The following ALK variants were observed in gnomAD, a reference collection of about 807,000 sequenced individuals.
ALK encodes the protein ALK receptor tyrosine kinase, also known as ALK tyrosine kinase receptor.
Under a neutral mutation model 163.1 loss-of-function variants are expected in ALK, and 74 were observed. The ratio of observed to expected loss-of-function variants is 0.45; its 90% confidence interval spans 0.38 to 0.55. The LOEUF is 0.55. ALK is among the 20% of genes least tolerant of loss of function. ALK has a pLI of 0.00. For missense variants in ALK, 2,063 were observed against 2,105.3 expected, an observed-to-expected ratio of 0.98 and a Z score of 0.39; for synonymous variants, 960 against 843.2, an observed-to-expected ratio of 1.14 and a Z score of -2.40.
chr2:29,611,473 G>A (rs1419091459), intron 3 of ALK, among the ~76,000 whole-genome samples: 1 of 152,152 alleles, frequency 6.6e-6, no homozygotes, highest in Non-Finnish European at 1.5e-5. Context: ...TAAATCCCTG[G>A]CTTTCCGTGT....
chr2:29,300,511 T>A (rs1178220115), intron 8 of ALK, among the ~76,000 whole-genome samples: 1 of 143,482 alleles, frequency 7.0e-6, no homozygotes. Context: ...GCCGAGATTG[T>A]GCCATTGCAC....
At chr2:29,557,427 G>T (rs1558383105) in intron 3 of ALK, among the ~76,000 whole-genome samples, 2 of 152,160 alleles carry the variant, frequency 1.3e-5, no homozygotes, top group African/African-American at 4.8e-5. Context: ...AGGGCTCAGG[G>T]CTCAGAGCTC....
At chr2:29,511,665 G>C (rs534258572) in intron 4 of ALK, among the ~76,000 whole-genome samples, 8 of 152,188 alleles carry the variant, frequency 5.3e-5, no homozygotes, top group Non-Finnish European at 1.0e-4. Context: ...ACAGGGAGTA[G>C]AATGGCTGGG....
At chr2:29,603,853 C>T (rs1438201757) in intron 3 of ALK, among the ~76,000 whole-genome samples, 1 of 152,198 alleles carries the variant, frequency 6.6e-6, no homozygotes, top group Non-Finnish European at 1.5e-5. Context: ...TCCACTCTTT[C>T]CTGGCTAAAT....
intron 4 of ALK, among the ~76,000 whole-genome samples, chr2:29,501,952 G>C (rs1281878249): frequency 6.6e-6 from 1 of 152,182 alleles, no homozygotes; most frequent in East Asian, 1.9e-4. Flanking sequence ...TATGTGTCTG[G>C]TTAGCATAAT....
Position 29,214,068 on chromosome 2 carries a change from G to T in ALK, c.3659C>A (p.Ser1220Tyr), listed in dbSNP as rs942221879. 6.2e-7 allele frequency: 1 copy of T among 1,613,934 alleles called. No homozygotes were observed. The highest frequency in any genetic ancestry group is 8.5e-7 in the Non-Finnish European group (1 of 1,179,944). ...GTGCAGAAGGTCCAGCATGGCCAGG[G>T]AGGAGGGCTGGCTCTGTGGGGAGAC... ...ETRPRPSQPSSLAMLDLLHVA... is the reference protein window; with the variant it reads ...ETRPRPSQPSYLAMLDLLHVA... Residue 1220 changes from serine to tyrosine, a missense_variant, in exon 24 of 29, where the codon TCC becomes TAC. Physicochemically the swap from Ser to Tyr is moderately radical, Grantham distance 144 (BLOSUM62 -2). Around this residue, in one of 5 missense-constraint regions of ALK, gnomAD observed 575 missense variants for 626.6 expected, o/e 0.92. Transcript: ENST00000389048.
chr2:29,218,940 TC>T (rs546850248), intron 23 of ALK, among the ~76,000 whole-genome samples: 80 of 152,306 alleles, frequency 5.3e-4, no homozygotes, highest in African/African-American at 1.8e-3. Flanking sequence ...CACAACCTCA[TC>T]TTGATAGTTT....
At chr2:29,343,591 G>A (rs1181259502) in intron 5 of ALK, among the ~76,000 whole-genome samples, 1 of 152,158 alleles carries the variant, frequency 6.6e-6, no homozygotes, top group African/African-American at 2.4e-5. Flanking sequence ...GTTGGACCAG[G>A]TGAGCTCTGA....
At chr2:29,604,434 C>T (rs1401218758) in intron 3 of ALK, among the ~76,000 whole-genome samples, 1 of 152,076 alleles carries the variant, frequency 6.6e-6, no homozygotes, top group Non-Finnish European at 1.5e-5. Context: ...CTTTCAAACT[C>T]CTGCAGAGTT....
intron 8 of ALK, among the ~76,000 whole-genome samples, chr2:29,310,059 T>C (rs916166228): frequency 6.6e-6 from 1 of 152,034 alleles, no homozygotes; most frequent in South Asian, 2.1e-4. Context: ...CTAAAACAGG[T>C]TTTTTGTTGT....
chr2:29,874,107 T>C (rs185423162), intron 1 of ALK, among the ~76,000 whole-genome samples: 181 of 152,312 alleles, frequency 1.2e-3, no homozygotes, highest in Admixed American at 2.5e-3. Flanking sequence ...TGCACTGGAA[T>C]GTATGGACAA....
intron 19 of ALK, chr2:29,223,855 A>G (rs4665447): frequency 0.93 from 379,410 of 407,784 alleles, 179,243 homozygotes; most frequent in South Asian, 0.98. Context: ...ATTTTATTAG[A>G]AGAAATGCCC....
At position 29,699,753 on chromosome 2, in the gene ALK, AG is replaced by A. The variant is rs541929220; in HGVS notation, c.788-4740del. ...CCATTGAAAAAGAGCATTGAGAAAA[AG>A]ACACACTTTCCAGGACCTGCCTATC... On this transcript the variant is annotated intron_variant, in intron 2 of 28. Transcript: ENST00000389048. Among the ~76,000 whole-genome samples, 19 of 152,366 alleles carry A rather than the reference AG, an allele frequency of 1.2e-4. No individual in the cohort carries two copies. In the South Asian group the frequency reaches 3.9e-3, roughly 32 times the overall value.
At chr2:29,212,751 G>C (rs13022782) in intron 24 of ALK, among the ~76,000 whole-genome samples, 4 of 151,446 alleles carry the variant, frequency 2.6e-5, no homozygotes, top group African/African-American at 9.7e-5. Flanking sequence ...TTGTTGCCCA[G>C]GCTGGAGTGC....
At chr2:29,280,972 C>T (rs568233321) in intron 9 of ALK, among the ~76,000 whole-genome samples, 4 of 149,150 alleles carry the variant, frequency 2.7e-5, no homozygotes, top group South Asian at 2.1e-4. Context: ...ACTCTCGGAC[C>T]GAGGGAAAGT....
chr2:29,218,192 G>A (rs569436094), intron 23 of ALK, among the ~76,000 whole-genome samples: 7 of 152,330 alleles, frequency 4.6e-5, no homozygotes, highest in Admixed American at 2.6e-4. Context: ...TATGGGAGGC[G>A]GGGAGGACCA....
At chr2:29,804,988 A>T (rs1261503350) in intron 1 of ALK, among the ~76,000 whole-genome samples, 1 of 152,172 alleles carries the variant, frequency 6.6e-6, no homozygotes, top group Non-Finnish European at 1.5e-5. Context: ...GCAGAGATCT[A>T]CTATCTTGTC....
At chr2:29,401,226 C>T (rs990262351) in intron 4 of ALK, among the ~76,000 whole-genome samples, 19 of 152,230 alleles carry the variant, frequency 1.2e-4, no homozygotes, top group Admixed American at 7.2e-4. Flanking sequence ...CTGACGTGGC[C>T]GCTGTTTGCA....
chr2:29,684,464 G>A (rs1007606638), intron 3 of ALK, among the ~76,000 whole-genome samples: 4 of 152,160 alleles, frequency 2.6e-5, no homozygotes, highest in South Asian at 2.1e-4. Context: ...GGCAGTAATC[G>A]ATTCCACTTC....
Sources: allele counts gnomAD v4.1 joint callset (sites outside exome capture counted in the v4.1 genomes callset), GRCh38; gene constraint gnomAD v4.1.1; regional missense constraint gnomAD v4.1.1; transcripts MANE v1.5; gene names NCBI Gene and HGNC (gene_info 2026-07-23, HGNC 2026-07-21).